The following SAXO1 variants were observed in gnomAD, a reference collection of about 807,000 sequenced individuals.
SAXO1 encodes 4930500O09Rik.
Under a neutral mutation model 17.5 loss-of-function variants are expected in SAXO1, and 21 were observed. The ratio of observed to expected loss-of-function variants is 1.20; its 90% CI spans 0.85 to 1.72. The LOEUF (loss-of-function observed/expected upper bound fraction) is 1.72, where lower values mean the gene tolerates loss of function less well. SAXO1 is among the 40% of genes most tolerant of loss of function. The pLI is 0.00. For missense variants in SAXO1, 843 were observed against 596.0 expected, an observed-to-expected ratio of 1.41 and a Z score of -4.32; for synonymous variants, 274 against 216.5, an observed-to-expected ratio of 1.27 and a Z score of -2.33.
At chr9:18,992,752 A>C (rs1833860873) in intron 1 of SAXO1, among the ~76,000 whole-genome samples, 1 of 150,194 alleles carries the variant, frequency 6.7e-6, no homozygotes, top group Non-Finnish European at 1.5e-5. Context: ...ATGAGTGTGT[A>C]TATTCTAATG....
chr9:18,928,519 G>A lies in SAXO1; in HGVS notation c.958C>T (p.Gln320Ter), dbSNP rs1310209636. 1.2e-6 allele frequency: 2 copies of A among 1,614,020 alleles called. No individual in the cohort carries two copies. The change falls in exon 4 of 4, where the codon CAG (glutamine) becomes TAG (stop). Residue 320 changes from glutamine (Q) to a stop codon, truncating the protein, a stop_gained. Coordinates refer to ENST00000380534, the MANE Select transcript of SAXO1 (RefSeq NM_153707.4). LOFTEE classifies it low-confidence loss of function (END_TRUNC). Reference protein sequence around the residue: ...HYTCPKGAPAQSCRPALQIKK... With the variant: ...HYTCPKGAPA ...ATCTGAAGTGCAGGTCGGCAGGACT[G>A]AGCTGGGGCACCCTTAGGGCATGTG...
At chr9:19,035,658 C>G (rs4478656), upstream of SAXO1, among the ~76,000 whole-genome samples, 8,416 of 152,154 alleles carry the variant, frequency 0.055, 275 homozygotes, top group African/African-American at 0.088. Context: ...ATGGCTTTGC[C>G]CAAAATGCTG....
intron 1 of SAXO1, among the ~76,000 whole-genome samples, chr9:18,961,961 T>C (rs1273649293): frequency 6.6e-6 from 1 of 152,232 alleles, no homozygotes; most frequent in Non-Finnish European, 1.5e-5. Context: ...ACCAACAGTG[T>C]AAAAGCATTC....
At chr9:18,989,977 G>T (rs1042024063) in intron 1 of SAXO1, among the ~76,000 whole-genome samples, 4 of 152,184 alleles carry the variant, frequency 2.6e-5, no homozygotes, top group African/African-American at 9.7e-5. Flanking sequence ...CTTTACCTAT[G>T]CTATCTTACT....
chr9:19,035,357 G>A (rs1464958458), upstream of SAXO1, among the ~76,000 whole-genome samples: 1 of 152,174 alleles, frequency 6.6e-6, no homozygotes, highest in African/African-American at 2.4e-5. Flanking sequence ...CGCCATGTAG[G>A]AAGGGTCTTT....
In SAXO1 at chr9:18,950,936, G is replaced by T; in HGVS notation, c.40C>A (p.Arg14=). 6.2e-7 allele frequency: 1 copy of T among 1,609,730 alleles called. No homozygotes were observed. ...KCICELCSCG[R]HHCPHLPTKI... ...GTAGGGAGATGTGGACAGTGATGCC[G>T]CCTATAAAAGACACAGAGTTAGGTT... The change falls in exon 2 of 4, where the codon CGG becomes AGG. Residue 14 remains arginine, a splice_region_variant and synonymous_variant. Transcript: ENST00000380534.
chr9:18,962,037 T>C (rs979691005), intron 1 of SAXO1, among the ~76,000 whole-genome samples: 1 of 152,150 alleles, frequency 6.6e-6, no homozygotes, highest in East Asian at 1.9e-4. Context: ...TGTGAGATGG[T>C]ATCTCATTGT....
chr9:19,013,087 T>A (rs1194578514), intron 1 of SAXO1, among the ~76,000 whole-genome samples: 2 of 152,154 alleles, frequency 1.3e-5, no homozygotes, highest in African/African-American at 4.8e-5. Context: ...TGCATGCCTT[T>A]TCATCAAACT....
At chr9:19,046,082 C>CAAAAAAA (rs57919139) in intron 1 of SAXO1, among the ~76,000 whole-genome samples, 23 of 55,266 alleles carry the variant, frequency 4.2e-4, no homozygotes, top group East Asian at 5.8e-4. Context: ...AACTCCGTCT[C>CAAAAAAA]AAAAAAAAAA....
At chr9:18,984,445 G>C (rs980614950) in intron 1 of SAXO1, among the ~76,000 whole-genome samples, 1 of 152,210 alleles carries the variant, frequency 6.6e-6, no homozygotes, top group Non-Finnish European at 1.5e-5. Context: ...AATTTGTTGT[G>C]TTTAAAATAG....
intron 3 of SAXO1, among the ~76,000 whole-genome samples, chr9:18,930,776 G>A (rs13289301): frequency 0.14 from 21,248 of 152,182 alleles, 1,573 homozygotes; most frequent in East Asian, 0.26. Flanking sequence ...TGGGATCACA[G>A]GCGTGAGCCA....
At chr9:18,934,462 AT>A (rs1362696404) in intron 3 of SAXO1, among the ~76,000 whole-genome samples, 17 of 152,212 alleles carry the variant, frequency 1.1e-4, no homozygotes, top group Admixed American at 8.5e-4. Context: ...CCTCTAACGA[AT>A]TTTTTATTTT....
intron 2 of SAXO1, 107 bp downstream of exon 2, chr9:18,950,651 C>T (rs1831994425): frequency 2.2e-6 from 2 of 914,506 alleles, no homozygotes; most frequent in Middle Eastern, 2.3e-4. Flanking sequence ...TGATACTGCA[C>T]ATTAATGCAT....
intron 1 of SAXO1, among the ~76,000 whole-genome samples, chr9:19,007,922 T>TCACAA (rs926227368): frequency 2.0e-5 from 3 of 152,108 alleles, no homozygotes; most frequent in Non-Finnish European, 2.9e-5. Context: ...AGTTGAATAG[T>TCACAA]CACAACACAA....
At chr9:18,997,472 G>C (rs1834054865) in intron 1 of SAXO1, among the ~76,000 whole-genome samples, 1 of 152,232 alleles carries the variant, frequency 6.6e-6, no homozygotes, top group South Asian at 2.1e-4. Context: ...GCTCAAACTG[G>C]GCAGAGCCCA....
At chr9:18,945,255 A>G (rs1238296517) in intron 2 of SAXO1, among the ~76,000 whole-genome samples, 1 of 152,140 alleles carries the variant, frequency 6.6e-6, no homozygotes, top group African/African-American at 2.4e-5. Flanking sequence ...TACTCCAAGC[A>G]TCACCTTGTT....
chr9:18,941,963 CT>C, intron 2 of SAXO1, 124 bp from the exon 3 acceptor site: 1 of 825,782 alleles, frequency 1.2e-6, no homozygotes. Context: ...GCCTTCCCTC[CT>C]CCCCCGAACT....
chr9:19,044,274 A>G (rs1836149179), intron 1 of SAXO1, among the ~76,000 whole-genome samples: 2 of 152,198 alleles, frequency 1.3e-5, no homozygotes, highest in African/African-American at 4.8e-5. Flanking sequence ...ATAAATATAT[A>G]CACCTACTAT....
chr9:18,978,691 C>G (rs1032576482), intron 1 of SAXO1, among the ~76,000 whole-genome samples: 2 of 152,234 alleles, frequency 1.3e-5, no homozygotes, highest in Admixed American at 6.5e-5. Context: ...GCACCAGGCA[C>G]TGTTCTAGAT....
Sources: allele counts gnomAD v4.1 joint callset (sites outside exome capture counted in the v4.1 genomes callset), GRCh38; gene constraint gnomAD v4.1.1; transcripts MANE v1.5; gene names NCBI Gene and HGNC (gene_info 2026-07-23, HGNC 2026-07-21).